Variants in RNF150 observed in about 807,000 individuals in gnomAD.
The protein encoded by RNF150 is ring finger protein 150.
In RNF150, 24 loss-of-function variants were observed where a neutral mutation model predicts 39.3. The observed-to-expected ratio is 0.61, with a 90% CI of 0.44 to 0.86. The LOEUF (loss-of-function observed/expected upper bound fraction) is 0.86. Among genes scored for constraint, RNF150 ranks in the 40% least tolerant of loss-of-function variants. The pLI, the probability that RNF150 is intolerant of heterozygous loss-of-function variation, is 0.00. For missense variants in RNF150, 502 were observed against 587.8 expected, an observed-to-expected ratio of 0.85 and a Z score of 1.51; for synonymous variants, 255 against 227.3, an observed-to-expected ratio of 1.12 and a Z score of -1.10.
In RNF150 at chr4:140,939,606, TTG is replaced by T. The variant is rs142516967; in HGVS notation, c.890+8046_890+8047del. Reference sequence around the variant, plus strand: ...GCCAAGGCTGATCCTCAAGTGGAGTTTGTGTGTGTGTGTGTGTGTGTGTGTGT... The same window carrying T: ...GCCAAGGCTGATCCTCAAGTGGAGTTTGTGTGTGTGTGTGTGTGTGTGTGT... On this transcript the variant is annotated intron_variant, in intron 4 of 6. Coordinates refer to ENST00000515673, the MANE Select transcript of RNF150 (RefSeq NM_020724.2). Among the ~76,000 whole-genome samples, 609 of 138,542 alleles carry T rather than the reference TTG, an allele frequency of 4.4e-3. 7 individuals carry two copies. Among genetic ancestry groups the T allele is most frequent in the African/African-American group, 0.014 (511 of 37,300 alleles). The allele number at this position is 138,542 out of a possible 152,430, so 90.9% of individuals were successfully genotyped here.
chr4:141,166,396 T>C (rs1727601928), intron 1 of RNF150, among the ~76,000 whole-genome samples: 1 of 152,208 alleles, frequency 6.6e-6, no homozygotes, highest in African/African-American at 2.4e-5. Context: ...TATCATTCTT[T>C]TGGAAACTAT....
intron 1 of RNF150, among the ~76,000 whole-genome samples, chr4:140,979,900 C>T (rs1733799611): frequency 1.3e-5 from 2 of 152,204 alleles, no homozygotes; most frequent in South Asian, 2.1e-4. Context: ...TGGTTCAATT[C>T]ATATTACTCT....
At chr4:141,200,989 G>T (rs930829620) in intron 1 of RNF150, among the ~76,000 whole-genome samples, 1 of 151,860 alleles carries the variant, frequency 6.6e-6, no homozygotes. Context: ...ATCTCAACTA[G>T]ATTAAACAGT....
intron 1 of RNF150, among the ~76,000 whole-genome samples, chr4:141,147,392 C>A (rs1727221996): frequency 6.6e-6 from 1 of 152,120 alleles, no homozygotes; most frequent in African/African-American, 2.4e-5. Context: ...CAGTTAATAA[C>A]TGGGAAAGAG....
At chr4:140,886,190 CAAAAA>C (rs1171164182) in intron 6 of RNF150, among the ~76,000 whole-genome samples, 5 of 73,354 alleles carry the variant, frequency 6.8e-5, no homozygotes, top group Non-Finnish European at 1.0e-4. Flanking sequence ...GACTCCATCA[CAAAAA>C]AAAAAAAAAA....
chr4:140,920,621 C>T (rs1279336422), intron 5 of RNF150, among the ~76,000 whole-genome samples: 5 of 148,378 alleles, frequency 3.4e-5, no homozygotes, highest in African/African-American at 5.0e-5. Flanking sequence ...TTGTGGAAGT[C>T]GGTGTGGCGA....
chr4:141,045,668 T>C (rs1389542974), intron 1 of RNF150, among the ~76,000 whole-genome samples: 4 of 152,070 alleles, frequency 2.6e-5, no homozygotes, highest in African/African-American at 9.7e-5. Context: ...CTTGGCCTCC[T>C]GAGTAGCTCG....
chr4:141,147,704 T>A (rs929433248), intron 1 of RNF150, among the ~76,000 whole-genome samples: 4 of 152,072 alleles, frequency 2.6e-5, no homozygotes, highest in African/African-American at 9.7e-5. Context: ...AAGGGTAGAC[T>A]CTGCCTCACT....
chr4:140,899,012 A>G (rs1730072527), intron 6 of RNF150, among the ~76,000 whole-genome samples: 1 of 152,200 alleles, frequency 6.6e-6, no homozygotes, highest in African/African-American at 2.4e-5. Flanking sequence ...CGAACATTAG[A>G]TACGAGACAG....
At chr4:141,191,749 T>C (rs1728112673) in intron 1 of RNF150, among the ~76,000 whole-genome samples, 1 of 152,246 alleles carries the variant, frequency 6.6e-6, no homozygotes, top group South Asian at 2.1e-4. Context: ...CTTTGTTGTT[T>C]ATAACACACA....
intron 4 of RNF150, among the ~76,000 whole-genome samples, chr4:140,933,367 TG>T (rs1431058250): frequency 1.3e-5 from 2 of 152,224 alleles, no homozygotes; most frequent in Non-Finnish European, 2.9e-5. Flanking sequence ...TTCCCTCATC[TG>T]AAAATCCAAA....
intron 1 of RNF150, among the ~76,000 whole-genome samples, chr4:141,049,855 C>T (rs529363521): frequency 2.6e-5 from 4 of 152,000 alleles, no homozygotes; most frequent in African/African-American, 7.2e-5. Flanking sequence ...ACTGATGTAA[C>T]TGAATAGCAT....
intron 1 of RNF150, among the ~76,000 whole-genome samples, chr4:141,211,394 A>G (rs1485543287): frequency 1.3e-5 from 2 of 152,194 alleles, no homozygotes; most frequent in Non-Finnish European, 2.9e-5. Flanking sequence ...TCTCATTCTA[A>G]GGAAAATGAA....
chr4:140,987,070 GAA>G (rs1490698804), intron 1 of RNF150, among the ~76,000 whole-genome samples: 3 of 152,002 alleles, frequency 2.0e-5, no homozygotes, highest in Non-Finnish European at 1.5e-5. Flanking sequence ...TAAAGGAGGT[GAA>G]AGAGTTCTAC....
In RNF150 at chr4:140,926,058, C is replaced by G; in HGVS notation, c.906G>C (p.Lys302Asn). The G allele has an allele frequency of 6.2e-7, 1 of 1,613,390 alleles. No homozygotes were observed. Residue 302 changes from lysine (K) to asparagine (N), a missense_variant, in exon 5 of 7, where the codon AAG becomes AAC. Lys to Asn is a moderately conservative substitution (Grantham distance 94). Coordinates refer to ENST00000515673, the MANE Select transcript of RNF150 (RefSeq NM_020724.2). ...CTAGAAGCCAGGGGTCAACACAGGA[C>G]TTGTGGAAAAGATGCCTGCAATGAG... ...RILPCRHLFH[K>N]SCVDPWLLDH...
In RNF150 at chr4:141,202,358, T is replaced by TA. The variant is rs951710151; in HGVS notation, c.-6+10435dup. Among the ~76,000 whole-genome samples the TA allele has an allele frequency of 3.4e-4, 51 of 150,672 alleles. 1 individual carries two copies. Among genetic ancestry groups the TA allele is most frequent in the African/African-American group, 4.4e-4 (18 of 41,108 alleles). On this transcript the variant is annotated intron_variant, in intron 1 of 7. Coordinates refer to the RNF150 transcript ENST00000420921. ...GAGCTAGGAGAACTTCCTGGACTGC[T>TA]AAAAAAAAATAGCTGAGTTCACCAA...
chr4:141,181,007 T>G (rs1727901006), intron 1 of RNF150, among the ~76,000 whole-genome samples: 1 of 152,204 alleles, frequency 6.6e-6, no homozygotes, highest in South Asian at 2.1e-4. Flanking sequence ...GAAAAGGTGA[T>G]ATAGATAGAA....
At chr4:140,938,193 G>T (rs972916811) in intron 4 of RNF150, among the ~76,000 whole-genome samples, 1 of 152,072 alleles carries the variant, frequency 6.6e-6, no homozygotes, top group African/African-American at 2.4e-5. Context: ...TGATCCCTGG[G>T]TTTAAAAATG....
intron 1 of RNF150, among the ~76,000 whole-genome samples, chr4:141,117,966 T>C (rs1726481971): frequency 6.6e-6 from 1 of 152,224 alleles, no homozygotes; most frequent in African/African-American, 2.4e-5. Flanking sequence ...CCTCATAGTG[T>C]GTTCTCCCAA....
Sources: gnomAD v4.1 joint callset for allele counts (sites outside exome capture counted in the v4.1 genomes callset) on GRCh38, gnomAD v4.1.1 for gene constraint, MANE v1.5 for transcripts, NCBI Gene and HGNC (gene_info 2026-07-23, HGNC 2026-07-21) for gene names.